MAML3: variants seen among roughly 807,000 people sequenced by gnomAD.
MAML3 encodes mastermind-like protein 3.
MAML3 carries 27 observed loss-of-function variants against 101.9 expected under a neutral mutation model. The observed-to-expected ratio is 0.27, with a 90% CI of 0.20 to 0.37. The LOEUF (loss-of-function observed/expected upper bound fraction) is 0.37. Among genes scored for constraint, MAML3 ranks in the 10% least tolerant of loss-of-function variants. The probability of loss-of-function intolerance (pLI) is 1.00; values close to 1 mark genes in which losing one functional copy is unlikely to be tolerated. For synonymous variants in MAML3, 501 were observed against 555.9 expected, an observed-to-expected ratio of 0.90 and a Z score of 1.39; for missense variants, 1,316 against 1,444.9, an observed-to-expected ratio of 0.91 and a Z score of 1.45.
At chr4:139,962,184 TA>T (rs1442808249) in intron 1 of MAML3, among the ~76,000 whole-genome samples, 5 of 152,106 alleles carry the variant, frequency 3.3e-5, no homozygotes. Context: ...GTGGTGATGT[TA>T]AACCTATAAC....
At chr4:140,081,584 T>G (rs894481272) in intron 1 of MAML3, among the ~76,000 whole-genome samples, 1 of 152,208 alleles carries the variant, frequency 6.6e-6, no homozygotes, top group South Asian at 2.1e-4. Context: ...AAGGGAGAAA[T>G]AGATGAGGGA....
chr4:139,849,132 T>A (rs962159157), intron 2 of MAML3, among the ~76,000 whole-genome samples: 2 of 152,344 alleles, frequency 1.3e-5, no homozygotes, highest in African/African-American at 4.8e-5. Context: ...ATCATCTTTT[T>A]TCAAATGGAT....
rs1726507732 is a variant in MAML3 at position 140,009,195 on chromosome 4, A to G, written c.469-118228T>C. Reference sequence around the variant, plus strand: ...GTGCCTATTGTTACAAGTCATGTGCATTTTGGTCCCTAGAATTTTGGTTTA... The same window carrying G: ...GTGCCTATTGTTACAAGTCATGTGCGTTTTGGTCCCTAGAATTTTGGTTTA... On this transcript the variant is annotated intron_variant, in intron 1 of 4. Transcript: ENST00000509479. Among the ~76,000 whole-genome samples the G allele has an allele frequency of 2.0e-5, 3 of 152,232 alleles. No individual in the cohort carries two copies. The South Asian group carries it at 6.2e-4, about 32-fold the overall frequency.
At chr4:139,757,904 C>T (rs3733384) in intron 2 of MAML3, among the ~76,000 whole-genome samples, 73,413 of 151,932 alleles carry the variant, frequency 0.48, 19,489 homozygotes, top group Non-Finnish European at 0.6. Context: ...AGGAAGCCCT[C>T]CCTGCCATCA....
At chr4:139,920,643 C>T (rs1733114655) in intron 1 of MAML3, among the ~76,000 whole-genome samples, 1 of 152,244 alleles carries the variant, frequency 6.6e-6, no homozygotes, top group African/African-American at 2.4e-5. Flanking sequence ...AACCACCTTT[C>T]ATTAATGGAG....
chr4:139,829,952 G>T (rs1209682620), intron 2 of MAML3, among the ~76,000 whole-genome samples: 2 of 152,162 alleles, frequency 1.3e-5, no homozygotes, highest in African/African-American at 4.8e-5. Flanking sequence ...TTAACGTAAC[G>T]AATAATGGAA....
At chr4:139,819,427 TA>T (rs1730940916) in intron 2 of MAML3, among the ~76,000 whole-genome samples, 1 of 152,220 alleles carries the variant, frequency 6.6e-6, no homozygotes, top group Non-Finnish European at 1.5e-5. Flanking sequence ...GTTCCATAGG[TA>T]GCATGGCTCC....
At chr4:139,767,485 T>A (rs1729888094) in intron 2 of MAML3, among the ~76,000 whole-genome samples, 1 of 152,226 alleles carries the variant, frequency 6.6e-6, no homozygotes, top group Admixed American at 6.5e-5. Context: ...TGCTTCCTTT[T>A]TTCTTCTTCT....
At chr4:139,818,961 C>T (rs780303714) in intron 2 of MAML3, among the ~76,000 whole-genome samples, 5 of 152,116 alleles carry the variant, frequency 3.3e-5, no homozygotes, top group Admixed American at 6.6e-5. Flanking sequence ...TGACTAAATG[C>T]GGCAAACACT....
intron 1 of MAML3, among the ~76,000 whole-genome samples, chr4:140,046,418 T>C (rs1237468793): frequency 6.6e-6 from 1 of 152,224 alleles, no homozygotes; most frequent in Admixed American, 6.5e-5. Flanking sequence ...GGGTTCTTTG[T>C]TACTATACCA....
intron 1 of MAML3, among the ~76,000 whole-genome samples, chr4:139,924,771 TTAGGAAAC>T (rs1733188368): frequency 1.3e-5 from 2 of 152,214 alleles, no homozygotes; most frequent in Non-Finnish European, 1.5e-5. Flanking sequence ...TTTGTTCCCC[TTAGGAAAC>T]TAGCATCTTA....
chr4:140,152,977 G>T lies in MAML3; in HGVS notation c.351C>A (p.Thr117=). 1 of 1,610,776 alleles carries T rather than the reference G, an allele frequency of 6.2e-7. No individual in the cohort carries two copies. The highest frequency in any genetic ancestry group is 8.5e-7 in the Non-Finnish European group (1 of 1,178,740). The change falls in exon 1 of 5, where the codon ACC becomes ACA. Residue 117 remains threonine, a synonymous_variant. Transcript: ENST00000509479. ...RRDTVSLYQR[T]LEQRAKKSGA... ...CCGATTTCTTGGCCCTCTGCTCCAG[G>T]GTCCGCTGGTAGAGGCTCACGGTGT...
chr4:140,092,322 C>T (rs78253515), intron 1 of MAML3, among the ~76,000 whole-genome samples: 1,753 of 151,864 alleles, frequency 0.012, 42 homozygotes, highest in African/African-American at 0.04. Flanking sequence ...TCAAGGACAC[C>T]GGTTTCCAAA....
At chr4:139,974,576 A>G (rs1296838044) in intron 1 of MAML3, among the ~76,000 whole-genome samples, 1 of 152,092 alleles carries the variant, frequency 6.6e-6, no homozygotes, top group Non-Finnish European at 1.5e-5. Context: ...CAATATCCTA[A>G]ACATTGCTGG....
intron 1 of MAML3, among the ~76,000 whole-genome samples, chr4:139,917,405 G>A: frequency 6.6e-6 from 1 of 152,128 alleles, no homozygotes; most frequent in East Asian, 1.9e-4. Context: ...CTCATCAGGT[G>A]GCAGGGCAGC....
chr4:139,755,404 C>T (rs566957935), intron 2 of MAML3, among the ~76,000 whole-genome samples: 6 of 152,200 alleles, frequency 3.9e-5, no homozygotes, highest in African/African-American at 9.6e-5. Flanking sequence ...GTCAGGAGTT[C>T]GAGACCATCC....
chr4:139,884,205 A>G (rs1421595987), intron 2 of MAML3, among the ~76,000 whole-genome samples: 4 of 152,286 alleles, frequency 2.6e-5, no homozygotes, highest in East Asian at 1.9e-4. Flanking sequence ...AGGAAAATGT[A>G]TCTTCCAAGA....
intron 1 of MAML3, among the ~76,000 whole-genome samples, chr4:139,950,914 T>C (rs746350643): frequency 6.6e-6 from 1 of 152,174 alleles, no homozygotes; most frequent in Non-Finnish European, 1.5e-5. Flanking sequence ...GGTTACTAAA[T>C]GGCATTTTGG....
At chr4:140,119,367 G>A (rs1460926342) in intron 1 of MAML3, among the ~76,000 whole-genome samples, 1 of 152,198 alleles carries the variant, frequency 6.6e-6, no homozygotes, top group Non-Finnish European at 1.5e-5. Flanking sequence ...ACATTAGACA[G>A]AAATCAACTT....
Sources: gnomAD v4.1 joint callset for allele counts (sites outside exome capture counted in the v4.1 genomes callset) on GRCh38, gnomAD v4.1.1 for gene constraint, MANE v1.5 for transcripts, NCBI Gene and HGNC (gene_info 2026-07-23, HGNC 2026-07-21) for gene names.